ANKRD11: variants seen among roughly 807,000 people sequenced by gnomAD.
ANKRD11 encodes ankyrin repeat domain 11, also known as ankyrin repeat domain-containing protein 11.
In ANKRD11, 17 loss-of-function variants were observed where a neutral mutation model predicts 195.7. The observed-to-expected ratio is 0.09, with a 90% CI of 0.06 to 0.13. The LOEUF (loss-of-function observed/expected upper bound fraction) is 0.13. Ranked by LOEUF, ANKRD11 falls within the 10% of genes least tolerant of loss-of-function variation. The pLI is 1.00. For missense variants in ANKRD11, 3,735 were observed against 3,566.1 expected, an observed-to-expected ratio of 1.05 and a Z score of -1.21; for synonymous variants, 1,953 against 1,528.1, an observed-to-expected ratio of 1.28 and a Z score of -6.49.
chr16:89,303,125 A>T (rs2035956407), intron 4 of ANKRD11, among the ~76,000 whole-genome samples: 1 of 152,188 alleles, frequency 6.6e-6, no homozygotes, highest in African/African-American at 2.4e-5. Context: ...ACGCCACCTT[A>T]CCAAGTGGGA....
intron 2 of ANKRD11, among the ~76,000 whole-genome samples, chr16:89,402,546 G>A (rs2041738874): frequency 1.3e-5 from 2 of 151,510 alleles, no homozygotes; most frequent in Admixed American, 1.3e-4. Context: ...TGCGTATGGT[G>A]CCGCACACCA....
intron 4 of ANKRD11, among the ~76,000 whole-genome samples, chr16:89,292,027 C>A (rs2035094585): frequency 6.6e-6 from 1 of 152,200 alleles, no homozygotes; most frequent in African/African-American, 2.4e-5. Flanking sequence ...CCAGTGCCCT[C>A]CTGTGGATGG....
In ANKRD11 at chr16:89,281,297, G is replaced by A. The variant is rs2034217175; in HGVS notation, c.5245C>T (p.Pro1749Ser). Residue 1749 changes from proline to serine, a missense_variant, in exon 9 of 13, where the codon CCC becomes TCC. By Grantham distance (74) the Pro-to-Ser change is moderately conservative. Transcript: ENST00000301030. The surrounding 1 kb of genome is among the most constrained non-coding windows in gnomAD (Gnocchi z 5.5). ...CADSQHSTPV[P>S]TAPTSACSPS... ...GAGCAGGCGCTGGTGGGAGCGGTGG[G>A]CACGGGCGTGGAGTGCTGCGAGTCG... 1.2e-6 allele frequency: 2 copies of A among 1,614,216 alleles called. No individual in the cohort carries two copies. The highest frequency in any genetic ancestry group is 4.5e-5 in the East Asian group (2 of 44,876).
rs550041375 is a variant in ANKRD11 at position 89,407,360 on chromosome 16, TAAAG to T, written c.-60+10920_-60+10923del. 2.6e-5 allele frequency among the ~76,000 whole-genome samples: 4 copies of T among 152,090 alleles called. No homozygotes were observed. In the South Asian group the frequency reaches 8.3e-4, roughly 32 times the overall value. On this transcript the variant is annotated intron_variant, in intron 2 of 12. Transcript: ENST00000301030. The stretch of plus-strand genomic sequence containing the variant: ...TGAATAGATGATATGGCCAGAGGTT[TAAAG>T]AAAGAGACAACGAGATAAAAGCAGG...
rs761383256 is a variant in ANKRD11 at position 89,305,297 on chromosome 16, G to A, written c.135C>T (p.Gly45=). The A allele has an allele frequency of 3.0e-5, 48 of 1,613,838 alleles. 1 individual carries two copies. Among genetic ancestry groups the A allele is most frequent in the Middle Eastern group, 3.3e-4 (2 of 6,080 alleles). ...GCTCCCTCACCTCCTTCCCGCCATC[G>A]CCACGCTCCAGTTTTGGGGTCTTGG... The part of the protein sequence containing the change: ...SLTKTPKLER[G]DGGKEVRERA... The change falls in exon 4 of 13, where the codon GGC becomes GGT. Residue 45 remains glycine, a synonymous_variant. Transcript: ENST00000301030.
rs533141034 is a variant in ANKRD11 at position 89,309,984 on chromosome 16, C to T, written c.88-4640G>A. ...GCTCTGCACATGTCATATGCAGATT[C>T]CCTATCACATCACGACTTCCACTCA... On this transcript the variant is annotated intron_variant, in intron 3 of 12. Transcript: ENST00000301030. 3.3e-5 allele frequency among the ~76,000 whole-genome samples: 5 copies of T among 152,282 alleles called. No individual in the cohort carries two copies. In the South Asian group the frequency reaches 6.2e-4, roughly 19 times the overall value.
At chr16:89,414,816 C>G (rs1187273494) in intron 2 of ANKRD11, among the ~76,000 whole-genome samples, 1 of 152,230 alleles carries the variant, frequency 6.6e-6, no homozygotes, top group Non-Finnish European at 1.5e-5. Context: ...GAGAAGAGCA[C>G]AGCACCGTGT....
chr16:89,280,928 C>T lies in ANKRD11; in HGVS notation c.5614G>A (p.Val1872Ile), dbSNP rs2034173090. 3 of 1,593,586 alleles carry T rather than the reference C, an allele frequency of 1.9e-6. No individual in the cohort carries two copies. The highest frequency in any genetic ancestry group is 1.7e-4 in the Middle Eastern group (1 of 5,946). ...VDALHCPPAA[V>I]VTVTPSPEGV... The stretch of plus-strand genomic sequence containing the variant: ...TCTGGAGACGGGGTGACAGTGACAA[C>T]GGCAGCCGGTGGGCAGTGCAAAGCG... The change falls in exon 9 of 13, where the codon GTT becomes ATT. Residue 1872 changes from valine to isoleucine, a missense_variant. Val to Ile is a conservative substitution (Grantham distance 29). Transcript: ENST00000301030.
intron 2 of ANKRD11, among the ~76,000 whole-genome samples, chr16:89,363,585 C>A (rs2039823721): frequency 6.6e-6 from 1 of 152,194 alleles, no homozygotes; most frequent in East Asian, 1.9e-4. Context: ...GGAGAAACCA[C>A]CAAAACTTTC....
chr16:89,302,621 T>C (rs2035928727), intron 4 of ANKRD11, among the ~76,000 whole-genome samples: 4 of 152,140 alleles, frequency 2.6e-5, no homozygotes, highest in African/African-American at 7.2e-5. Flanking sequence ...TCCACACTCA[T>C]ACATCAGAAC....
At chr16:89,302,563 C>A (rs1428501401) in intron 4 of ANKRD11, among the ~76,000 whole-genome samples, 2 of 152,106 alleles carry the variant, frequency 1.3e-5, no homozygotes, top group Non-Finnish European at 2.9e-5. Context: ...GGACTTGCTA[C>A]TTTAAGAGGG....
At chr16:89,465,063 A>T (rs1285951633) in intron 1 of ANKRD11, among the ~76,000 whole-genome samples, 1 of 152,236 alleles carries the variant, frequency 6.6e-6, no homozygotes, top group Non-Finnish European at 1.5e-5. Flanking sequence ...ATGAAATTCT[A>T]ATTTCAGTGT....
chr16:89,330,596 G>C (rs970889403), intron 2 of ANKRD11, among the ~76,000 whole-genome samples: 1 of 147,494 alleles, frequency 6.8e-6, no homozygotes, highest in Non-Finnish European at 1.5e-5. Flanking sequence ...CCTAGTATCG[G>C]AAGCAAGGGG....
Position 89,279,014 on chromosome 16 carries a change from G to C in ANKRD11, c.7470+58C>G. 1 of 1,603,858 alleles carries C rather than the reference G, an allele frequency of 6.2e-7. No individual in the cohort carries two copies. The highest frequency in any genetic ancestry group is 8.5e-7 in the Non-Finnish European group (1 of 1,175,640). Reference sequence around the variant, plus strand: ...ACGGGCTGGAGGAAGCCGTGACTAGGGGCCCCAGACGCATCCCAGAGAGAG... The same window carrying C: ...ACGGGCTGGAGGAAGCCGTGACTAGCGGCCCCAGACGCATCCCAGAGAGAG... On this transcript the variant is annotated intron_variant, in intron 9 of 12. Coordinates refer to ENST00000301030, the MANE Select transcript of ANKRD11 (RefSeq NM_013275.6). This position sits in a 1 kb window ranked among gnomAD's most constrained non-coding sequence, Gnocchi z 5.6.
intron 2 of ANKRD11, chr16:89,320,378 A>G (rs1422651450): frequency 1.3e-5 from 2 of 152,198 alleles, no homozygotes; most frequent in African/African-American, 4.8e-5. Context: ...GGCAAAGTCT[A>G]TTTTAAACTC....
intron 2 of ANKRD11, among the ~76,000 whole-genome samples, chr16:89,328,291 C>T (rs766556264): frequency 6.6e-6 from 1 of 152,208 alleles, no homozygotes; most frequent in African/African-American, 2.4e-5. Context: ...GCAAGGCAGC[C>T]TTACGAACCT....
chr16:89,409,646 G>C (rs1183207537), intron 2 of ANKRD11, among the ~76,000 whole-genome samples: 1 of 152,090 alleles, frequency 6.6e-6, no homozygotes, highest in African/African-American at 2.4e-5. Flanking sequence ...AGATCCTGTT[G>C]TACCAAAACA....
intron 1 of ANKRD11, among the ~76,000 whole-genome samples, chr16:89,450,588 T>C (rs1190351622): frequency 3.3e-5 from 5 of 152,230 alleles, no homozygotes; most frequent in East Asian, 1.9e-4. Context: ...TAAGCCTTTC[T>C]TGTGATTATC....
At chr16:89,394,924 G>T (rs1434053015) in intron 2 of ANKRD11, among the ~76,000 whole-genome samples, 1 of 152,194 alleles carries the variant, frequency 6.6e-6, no homozygotes, top group East Asian at 1.9e-4. Flanking sequence ...CCAATTCAGA[G>T]GCGACAGTTT....
Sources: allele counts gnomAD v4.1 joint callset (sites outside exome capture counted in the v4.1 genomes callset), GRCh38; gene constraint gnomAD v4.1.1; non-coding constraint Gnocchi (gnomAD v3.1); transcripts MANE v1.5; gene names NCBI Gene and HGNC (gene_info 2026-07-23, HGNC 2026-07-21).